SACM1L: variants seen among roughly 807,000 people sequenced by gnomAD.
The protein encoded by SACM1L is phosphatidylinositol-3-phosphatase SAC1.
SACM1L carries 32 observed loss-of-function variants against 89.5 expected under a neutral mutation model. That is an observed-to-expected ratio of 0.36 (90% CI 0.27 to 0.48). The LOEUF is 0.48. Among genes scored for constraint, SACM1L ranks in the 20% least tolerant of loss-of-function variants. SACM1L has a pLI of 0.99. For missense variants in SACM1L, 543 were observed against 708.5 expected (o/e 0.77, Z 2.65); for synonymous variants, 213 against 232.8 (o/e 0.92, Z 0.77).
At chr3:45,739,433 C>T (rs1699270171) in intron 18 of SACM1L, among the ~76,000 whole-genome samples, 154 bp from the exon 19 acceptor site, 1 of 152,132 alleles carries the variant, frequency 6.6e-6, no homozygotes, top group Non-Finnish European at 1.5e-5. Flanking sequence ...GTGATTGAAC[C>T]CATAAATAAT....
At position 45,739,655 on chromosome 3, in the gene SACM1L, T is replaced by C. The variant is rs1368144293; in HGVS notation, c.1627+11T>C. ...GTTTGCTTATGGCTGGTAAGTCTGC[T>C]CCACACATTTGTTTCTTAGTTAGAA... is the stretch of plus-strand genomic sequence containing the variant. On this transcript the variant is annotated intron_variant, in intron 19 of 19. Transcript: ENST00000389061. 13 of 1,613,376 alleles carry C rather than the reference T, an allele frequency of 8.1e-6. No individual in the cohort carries two copies. Among genetic ancestry groups the C allele is most frequent in the Non-Finnish European group, 1.1e-5 (13 of 1,179,484 alleles).
intron 1 of SACM1L, among the ~76,000 whole-genome samples, chr3:45,697,679 G>A (rs904195141): frequency 6.6e-6 from 1 of 152,178 alleles, no homozygotes; most frequent in Non-Finnish European, 1.5e-5. Flanking sequence ...CAAGTATTAT[G>A]CTATTTTGAT....
chr3:45,724,723 T>G (rs1215031948), intron 11 of SACM1L, among the ~76,000 whole-genome samples: 1 of 152,176 alleles, frequency 6.6e-6, no homozygotes, highest in Admixed American at 6.6e-5. Flanking sequence ...TAACATAAAC[T>G]TACCCCTATA....
At chr3:45,705,914 A>G (rs995548618) in intron 3 of SACM1L, among the ~76,000 whole-genome samples, 1 of 152,230 alleles carries the variant, frequency 6.6e-6, no homozygotes, top group Non-Finnish European at 1.5e-5. Context: ...TGAGTTGTTA[A>G]GAAGGTGATT....
intron 7 of SACM1L, among the ~76,000 whole-genome samples, chr3:45,715,177 TAC>T (rs1406020183): frequency 2.1e-4 from 32 of 152,340 alleles, no homozygotes; most frequent in Non-Finnish European, 4.4e-4. Flanking sequence ...TCTCAGAATG[TAC>T]CCCTATTAAG....
intron 3 of SACM1L, among the ~76,000 whole-genome samples, 155 bp downstream of exon 3, chr3:45,705,364 A>G (rs989665398): frequency 6.6e-6 from 1 of 152,168 alleles, no homozygotes; most frequent in African/African-American, 2.4e-5. Flanking sequence ...TTTAAAAGAA[A>G]TACTCCCCAA....
At chr3:45,718,873 C>T (rs1477439674) in intron 7 of SACM1L, among the ~76,000 whole-genome samples, 1 of 152,038 alleles carries the variant, frequency 6.6e-6, no homozygotes, top group African/African-American at 2.4e-5. Context: ...ATACTATTAT[C>T]AGTAGTAAGG....
At chr3:45,725,767 C>T (rs1698904549) in intron 11 of SACM1L, among the ~76,000 whole-genome samples, 2 of 151,270 alleles carry the variant, frequency 1.3e-5, no homozygotes, top group South Asian at 4.2e-4. Context: ...GCATCCTTGT[C>T]TTATTCCTTT....
intron 11 of SACM1L, among the ~76,000 whole-genome samples, chr3:45,729,889 T>C (rs1399354402): frequency 1.3e-5 from 2 of 152,084 alleles, no homozygotes; most frequent in Admixed American, 1.3e-4. Context: ...CTCTCTCTCT[T>C]CCTGGAATTC....
rs530856367 is a variant in SACM1L, at chr3:45,692,512, G to A, written c.32+3015G>A. 1.4e-3 allele frequency among the ~76,000 whole-genome samples: 210 copies of A among 152,004 alleles called. 1 individual carries two copies. Among genetic ancestry groups the A allele is most frequent in the Non-Finnish European group, 2.7e-3 (185 of 67,962 alleles). ...CTGATTTTTTCTGTTTTTCAGTTTC[G>A]CCATGTTGCTGAAACTTGAACTCCT... On this transcript the variant is annotated intron_variant, in intron 1 of 19. Transcript: ENST00000389061.
chr3:45,721,962 A>C (rs1169999904), intron 8 of SACM1L, 38 bp from the exon 9 acceptor site: 3 of 1,364,472 alleles, frequency 2.2e-6, no homozygotes, highest in Non-Finnish European at 2.1e-6. Context: ...TTCTTTGTGT[A>C]ATCAGTATAG....
intron 1 of SACM1L, 148 bp from the exon 2 acceptor site, chr3:45,703,290 T>C (rs908228930): frequency 2.0e-5 from 11 of 544,994 alleles, no homozygotes; most frequent in Non-Finnish European, 2.6e-5. Context: ...TGCAGTGAAC[T>C]CATAAGGACA....
At chr3:45,735,512 G>A (rs1317305804) in intron 14 of SACM1L, 139 bp downstream of exon 14, 1 of 807,624 alleles carries the variant, frequency 1.2e-6, no homozygotes, top group Non-Finnish European at 1.8e-6. Flanking sequence ...GCCCATGGAT[G>A]TCACATTTTC....
intron 5 of SACM1L, among the ~76,000 whole-genome samples, chr3:45,710,970 C>T (rs1032685443): frequency 5.3e-5 from 8 of 152,122 alleles, no homozygotes; most frequent in African/African-American, 1.9e-4. Context: ...GTACCAGGAA[C>T]TATACTAGCC....
intron 11 of SACM1L, among the ~76,000 whole-genome samples, 196 bp downstream of exon 11, chr3:45,723,739 C>T (rs890129989): frequency 6.6e-6 from 1 of 152,122 alleles, no homozygotes; most frequent in Non-Finnish European, 1.5e-5. Flanking sequence ...CAATTAACTT[C>T]CTATTATATC....
At chr3:45,712,510 A>G (rs1465084983) in intron 5 of SACM1L, among the ~76,000 whole-genome samples, 6 of 152,224 alleles carry the variant, frequency 3.9e-5, no homozygotes, top group Non-Finnish European at 7.3e-5. Flanking sequence ...TGCTGGGATT[A>G]TAGGCATGAG....
intron 1 of SACM1L, among the ~76,000 whole-genome samples, chr3:45,692,750 G>A (rs1698024990): frequency 6.6e-6 from 1 of 152,202 alleles, no homozygotes; most frequent in South Asian, 2.1e-4. Context: ...AACAGGGTTA[G>A]ACACCAAATG....
chr3:45,734,113 ATT>A (rs377501431), intron 13 of SACM1L, among the ~76,000 whole-genome samples: 11 of 132,074 alleles, frequency 8.3e-5, no homozygotes, highest in Admixed American at 1.6e-4. Flanking sequence ...CCATTTAAGA[ATT>A]TTTTTTTTTT....
intron 1 of SACM1L, 173 bp downstream of exon 1, chr3:45,689,670 T>G: frequency 1.3e-6 from 1 of 748,160 alleles, no homozygotes; most frequent in South Asian, 1.7e-5. Flanking sequence ...CGAGTAGCCA[T>G]AGGCCGGGAA....
Sources: gnomAD v4.1 joint callset for allele counts (sites outside exome capture counted in the v4.1 genomes callset) on GRCh38, gnomAD v4.1.1 for gene constraint, MANE v1.5 for transcripts, NCBI Gene and HGNC (gene_info 2026-07-23, HGNC 2026-07-21) for gene names.